TIAM1: variants seen among roughly 807,000 people sequenced by gnomAD.
TIAM1 encodes rho guanine nucleotide exchange factor TIAM1.
TIAM1 carries 65 observed loss-of-function variants against 163.5 expected under a neutral mutation model. The observed-to-expected ratio is 0.40, with a 90% CI of 0.33 to 0.49. The LOEUF is 0.49. Ranked by LOEUF, TIAM1 falls within the 20% of genes least tolerant of loss-of-function variation. The pLI is 0.77. For missense variants in TIAM1, 1,789 were observed against 2,044.7 expected (o/e 0.87, Z 2.41); for synonymous variants, 833 against 810.1 (o/e 1.03, Z -0.48).
chr21:31,217,825 C>A, intron 8 of TIAM1, 126 bp from the exon 9 acceptor site: 1 of 1,128,812 alleles, frequency 8.9e-7, no homozygotes. Context: ...ACCCTGACCC[C>A]AATGCCTAAA....
At chr21:31,130,123 G>C in intron 25 of TIAM1, 90 bp downstream of exon 25, 2 of 831,418 alleles carry the variant, frequency 2.4e-6, no homozygotes, top group Non-Finnish European at 3.7e-6. Flanking sequence ...GACGGTAGAA[G>C]AGTTAGACCA....
intron 2 of TIAM1, among the ~76,000 whole-genome samples, chr21:31,410,308 CAG>C (rs1491545380): frequency 2.0e-5 from 3 of 150,450 alleles, no homozygotes; most frequent in East Asian, 3.9e-4. Context: ...TGTAATGAGA[CAG>C]TGTGTGTGTG....
At chr21:31,536,847 G>C (rs1254549485) in intron 1 of TIAM1, among the ~76,000 whole-genome samples, 2 of 152,198 alleles carry the variant, frequency 1.3e-5, no homozygotes, top group African/African-American at 2.4e-5. Flanking sequence ...GGACAAGATG[G>C]CAGGGACCAG....
Position 31,510,319 on chromosome 21 carries a change from C to A in TIAM1, c.-421-46284G>T, listed in dbSNP as rs549031093. Among the ~76,000 whole-genome samples the A allele has an allele frequency of 2.6e-5, 4 of 152,314 alleles. No homozygotes were observed. The East Asian group carries it at 7.7e-4, about 29-fold the overall frequency. ...CCTCTGTGCGTGCACATCCCTGGTGCCTCTATGACCAAATTTCCTCTACTC... is the reference window on the plus strand; with the variant it reads ...CCTCTGTGCGTGCACATCCCTGGTGACTCTATGACCAAATTTCCTCTACTC... On this transcript the variant is annotated intron_variant, in intron 1 of 28. Coordinates refer to the TIAM1 transcript ENST00000286827.
intron 2 of TIAM1, among the ~76,000 whole-genome samples, chr21:31,449,377 T>TTTTA (rs1241382759): frequency 2.6e-5 from 4 of 151,838 alleles, no homozygotes; most frequent in South Asian, 2.1e-4. Context: ...TTGTTTCTTA[T>TTTTA]TTTATTTATT....
At chr21:31,185,414 ATAAT>A (rs1439684134) in intron 14 of TIAM1, among the ~76,000 whole-genome samples, 3 of 139,820 alleles carry the variant, frequency 2.1e-5, no homozygotes, top group South Asian at 2.1e-4. Flanking sequence ...ATAATTATAT[ATAAT>A]TATGTTATAT....
intron 1 of TIAM1, among the ~76,000 whole-genome samples, chr21:31,511,955 A>G (rs922905796): frequency 1.3e-5 from 2 of 152,212 alleles, no homozygotes; most frequent in African/African-American, 4.8e-5. Context: ...GGCACGAAGG[A>G]GAGTGGCAGG....
At chr21:31,388,484 T>TAAATG (rs1207652625) in intron 2 of TIAM1, among the ~76,000 whole-genome samples, 1 of 127,346 alleles carries the variant, frequency 7.9e-6, no homozygotes, top group East Asian at 2.3e-4. Context: ...CTACAAAAAA[T>TAAATG]AAATGAAATA....
intron 2 of TIAM1, among the ~76,000 whole-genome samples, chr21:31,412,784 TAAA>T (rs77221722): frequency 8.7e-5 from 9 of 103,526 alleles, no homozygotes; most frequent in Admixed American, 1.0e-4. Flanking sequence ...TGTCTCAGGT[TAAA>T]AAAAAAAAAA....
intron 2 of TIAM1, among the ~76,000 whole-genome samples, chr21:31,416,771 G>A (rs990328051): frequency 2.6e-5 from 4 of 152,156 alleles, no homozygotes; most frequent in South Asian, 4.1e-4. Context: ...CTTGCTCAGC[G>A]CTCTCAACCA....
chr21:31,322,412 C>T (rs73193741), intron 2 of TIAM1, among the ~76,000 whole-genome samples: 3,964 of 142,670 alleles, frequency 0.028, 85 homozygotes, highest in Middle Eastern at 0.15. Context: ...TCATGACACA[C>T]GTAAATTCAT....
intron 2 of TIAM1, chr21:31,452,717 A>G (rs2044913962): frequency 4.4e-6 from 2 of 454,422 alleles, no homozygotes; most frequent in East Asian, 1.2e-4. Flanking sequence ...AAAGTAATAA[A>G]AGCTCTAATA....
intron 1 of TIAM1, among the ~76,000 whole-genome samples, chr21:31,524,276 G>A (rs989094544): frequency 2.0e-5 from 3 of 152,124 alleles, no homozygotes; most frequent in African/African-American, 7.2e-5. Flanking sequence ...AAGGTGAAGT[G>A]GGGGTAGGAG....
Position 31,136,131 on chromosome 21 carries a change from A to C in TIAM1, c.3775-90T>G, listed in dbSNP as rs1363320674. ...TTTGAAAATTCAGCATGCTGATATT[A>C]ATTTTACTTCAAGAAAATACTGCTC... is the stretch of plus-strand genomic sequence containing the variant. On this transcript the variant is annotated intron_variant, in intron 22 of 27. Coordinates refer to ENST00000541036, the MANE Select transcript of TIAM1 (RefSeq NM_001353694.2). 8 of 1,152,856 alleles carry C rather than the reference A, an allele frequency of 6.9e-6. No homozygotes were observed. In the South Asian group the frequency reaches 1.1e-4, roughly 16 times the overall value. The allele number at this position is 1,152,856 out of a possible 1,614,324, so 71.4% of individuals were successfully genotyped here.
At chr21:31,312,340 C>G (rs924820058) in intron 2 of TIAM1, among the ~76,000 whole-genome samples, 1 of 152,154 alleles carries the variant, frequency 6.6e-6, no homozygotes, top group African/African-American at 2.4e-5. Flanking sequence ...GACCCCCTCC[C>G]AGGTGAGCCA....
intron 19 of TIAM1, among the ~76,000 whole-genome samples, chr21:31,150,988 C>T (rs1422260674): frequency 6.6e-5 from 10 of 152,150 alleles, no homozygotes; most frequent in East Asian, 5.8e-4. Flanking sequence ...TAACAGAAGA[C>T]GCTCATCATC....
intron 2 of TIAM1, among the ~76,000 whole-genome samples, chr21:31,401,624 C>T (rs770738157): frequency 1.5e-4 from 23 of 152,090 alleles, no homozygotes; most frequent in Non-Finnish European, 2.5e-4. Flanking sequence ...GCCAAACAGA[C>T]TCTCACTTAA....
chr21:31,230,035 A>G (rs1360267762), intron 6 of TIAM1, among the ~76,000 whole-genome samples: 3 of 152,194 alleles, frequency 2.0e-5, no homozygotes, highest in South Asian at 4.1e-4. Flanking sequence ...AGGAGAGGCT[A>G]TGGTTCCTGC....
intron 14 of TIAM1, among the ~76,000 whole-genome samples, chr21:31,186,507 T>C (rs1033673333): frequency 6.6e-6 from 1 of 152,106 alleles, no homozygotes; most frequent in Non-Finnish European, 1.5e-5. Flanking sequence ...TCAATCAGTT[T>C]AAAATCCAAA....
Sources: gnomAD v4.1 joint callset for allele counts (sites outside exome capture counted in the v4.1 genomes callset) on GRCh38, gnomAD v4.1.1 for gene constraint, MANE v1.5 for transcripts, NCBI Gene and HGNC (gene_info 2026-07-23, HGNC 2026-07-21) for gene names.